Variants in MYH13 observed in about 807,000 individuals in gnomAD.
The protein encoded by MYH13 is myosin heavy chain 13.
Under a neutral mutation model 232.1 loss-of-function variants are expected in MYH13, and 177 were observed. That is an observed-to-expected ratio of 0.76 (90% CI 0.67 to 0.86). The LOEUF is 0.86. Among genes scored for constraint, MYH13 ranks in the 40% least tolerant of loss-of-function variants. The pLI, the probability that MYH13 is intolerant of heterozygous loss-of-function variation, is 0.00. For synonymous variants in MYH13, 884 were observed against 923.5 expected, an observed-to-expected ratio of 0.96 and a Z score of 0.78; for missense variants, 2,246 against 2,405.9, an observed-to-expected ratio of 0.93 and a Z score of 1.39.
chr17:10,336,286 T>C (rs2071574551), intron 18 of MYH13, among the ~76,000 whole-genome samples: 1 of 152,164 alleles, frequency 6.6e-6, no homozygotes, highest in Non-Finnish European at 1.5e-5. Context: ...TTTGTACCAA[T>C]GCGTAAAACT....
chr17:10,346,569 G>GT, intron 13 of MYH13, 111 bp downstream of exon 13: 1 of 681,680 alleles, frequency 1.5e-6, no homozygotes, highest in South Asian at 2.1e-5. Context: ...TCCTCTTAAT[G>GT]TGAAAGCTGA....
rs752754610 is a variant in MYH13, at chr17:10,306,465, C to T, written c.5460G>A (p.Glu1820=). ...GTCCTCTCAAAAACTCTACCCGGTT[C>T]TCCAGTTTCTGGATCTGCTTCTTCC... ...KGGKKQIQKL[E]NRVRELENEL... The change falls in exon 37 of 41, where the codon GAG becomes GAA. Residue 1820 remains glutamate, a synonymous_variant. Coordinates refer to ENST00000252172, the MANE Select transcript of MYH13 (RefSeq NM_003802.3). This position sits in a 1 kb window ranked among gnomAD's most constrained non-coding sequence, Gnocchi z 4.3. 7 of 1,614,154 alleles carry T rather than the reference C, an allele frequency of 4.3e-6. No individual in the cohort carries two copies. The highest frequency in any genetic ancestry group is 5.1e-6 in the Non-Finnish European group (6 of 1,180,020).
Position 10,306,599 on chromosome 17 carries a change from C to T in MYH13, c.5326G>A (p.Glu1776Lys), listed in dbSNP as rs574010739. 201 of 1,614,100 alleles carry T rather than the reference C, an allele frequency of 1.2e-4. 3 individuals carry two copies. The South Asian group carries it at 1.9e-3, about 16-fold the overall frequency. ...TCCAGGTGGGCGCTGGTGTCCTGTT[C>T]CTTCTTTAGCTCCTCAGCCATCATG... ...AAMMAEELKK[E>K]QDTSAHLERM... is the part of the protein sequence containing the mutation. Residue 1776 changes from glutamate (E) to lysine (K), a missense_variant, in exon 37 of 41, where the codon GAA becomes AAA. Coordinates refer to ENST00000252172, the MANE Select transcript of MYH13 (RefSeq NM_003802.3). This position sits in a 1 kb window ranked among gnomAD's most constrained non-coding sequence, Gnocchi z 4.3.
chr17:10,338,067 G>T (rs534981051), intron 18 of MYH13, among the ~76,000 whole-genome samples: 1 of 152,020 alleles, frequency 6.6e-6, no homozygotes, highest in African/African-American at 2.4e-5. Context: ...AGAAAAAAAA[G>T]TAAGCCAGTG....
chr17:10,338,462 A>C (rs9889881), intron 18 of MYH13, among the ~76,000 whole-genome samples: 110,730 of 151,332 alleles, frequency 0.73, 41,792 homozygotes, highest in East Asian at 0.9. Flanking sequence ...TTTAAAGTTT[A>C]TAGTTCTGAG....
At chr17:10,339,779 G>A (rs2071606916) in intron 18 of MYH13, among the ~76,000 whole-genome samples, 1 of 152,158 alleles carries the variant, frequency 6.6e-6, no homozygotes. Flanking sequence ...GTCACACTTA[G>A]ACATTTTTCA....
intron 16 of MYH13, chr17:10,341,256 T>A (rs2071617539): frequency 6.6e-6 from 1 of 151,962 alleles, no homozygotes; most frequent in African/African-American, 2.4e-5. Flanking sequence ...TTCACCATAT[T>A]GGCCAGGCTG....
intron 27 of MYH13, among the ~76,000 whole-genome samples, chr17:10,316,741 G>T (rs1402740559): frequency 1.3e-5 from 2 of 152,216 alleles, no homozygotes; most frequent in African/African-American, 2.4e-5. Flanking sequence ...CGTATGAAGA[G>T]ATTCACCTCT....
At chr17:10,371,087 G>T (rs1337920585) in intron 2 of MYH13, 122 bp downstream of exon 2, 1 of 152,172 alleles carries the variant, frequency 6.6e-6, no homozygotes, top group Non-Finnish European at 1.5e-5. Context: ...GAATAGTTAA[G>T]TTATTGGTTT....
intron 8 of MYH13, among the ~76,000 whole-genome samples, chr17:10,355,828 C>CTTTTTTTTTTTTTTTTTTTTTTTTTT (rs61338527): frequency 1.2e-4 from 8 of 66,814 alleles, no homozygotes; most frequent in Non-Finnish European, 1.6e-4. Context: ...TTCTGTCTGA[C>CTTTTTTTTTTTTTTTTTTTTTTTTTT]TTTTTTTTTT....
rs769019864 is a variant in MYH13 at position 10,301,595 on chromosome 17, C to A, written c.5776G>T (p.Ala1926Ser). The A allele has an allele frequency of 6.2e-7, 1 of 1,614,220 alleles. No individual in the cohort carries two copies. The highest frequency in any genetic ancestry group is 1.7e-5 in the Admixed American group (1 of 60,026). ...IAESQVNKLR[A>S]KSRDVGSQKM... ...TGGCTGCCCACGTCTCGGCTCTTGG[C>A]CCTCAGCTTGTTGACCTGGGACTCA... is the stretch of plus-strand genomic sequence containing the variant. The change falls in exon 40 of 41, where the codon GCC becomes TCC. Residue 1926 changes from alanine (A) to serine (S), a missense_variant. Coordinates refer to ENST00000252172, the MANE Select transcript of MYH13 (RefSeq NM_003802.3).
chr17:10,310,656 G>C (rs1179107403), intron 33 of MYH13, among the ~76,000 whole-genome samples: 1 of 152,134 alleles, frequency 6.6e-6, no homozygotes, highest in African/African-American at 2.4e-5. Flanking sequence ...CTGCTCTCCT[G>C]TTATCCTGTG....
chr17:10,330,385 A>G lies in MYH13; in HGVS notation c.2435+2T>C, dbSNP rs1298086460. The G allele has an allele frequency of 1.2e-6, 2 of 1,612,836 alleles. No homozygotes were observed. The highest frequency in any genetic ancestry group is 2.2e-5 in the South Asian group (2 of 90,876). Reference sequence around the variant, plus strand: ...TAAGGTGGAGGTGAGGGTCTGTGTCACCTCCTCTCCATCATCTTCTTGAAC... The same window carrying G: ...TAAGGTGGAGGTGAGGGTCTGTGTCGCCTCCTCTCCATCATCTTCTTGAAC... On this transcript the variant is annotated splice_donor_variant, in intron 21 of 40. Transcript: ENST00000252172. LOFTEE classifies it high-confidence loss of function.
rs201735784 is a variant in MYH13, at chr17:10,313,318, G to A, written c.4021C>T (p.Arg1341Cys). 529 of 1,614,160 alleles carry A rather than the reference G, an allele frequency of 3.3e-4. 2 individuals carry two copies. Among genetic ancestry groups the A allele is most frequent in the Middle Eastern group, 9.9e-4 (6 of 6,084 alleles). ...TCCCGCAGCAGGTCACAGTCGTGGC[G>A]GGAGGACTGCAGGGCGTGCGCCATG... ...NAMAHALQSSRHDCDLLREQY... is the reference protein window; with the variant it reads ...NAMAHALQSSCHDCDLLREQY... The change falls in exon 30 of 41, where the codon CGC becomes TGC. Residue 1341 changes from arginine (R) to cysteine (C), a missense_variant. By Grantham distance (180) the Arg-to-Cys change is radical (BLOSUM62 -3). Coordinates refer to ENST00000252172, the MANE Select transcript of MYH13 (RefSeq NM_003802.3).
In MYH13 at chr17:10,330,427, A is replaced by T; in HGVS notation, c.2395T>A (p.Tyr799Asn). The part of the protein sequence containing the change: ...MTSTQAVCRG[Y>N]LMRVEFKKMM... ...TTCTTGAACTCCACCCGCATCAGGT[A>T]CCCCCTGCACACCGCCTGCGTGCTT... The change falls in exon 21 of 41, where the codon TAC becomes AAC. Residue 799 changes from tyrosine to asparagine, a missense_variant. Tyr to Asn is a moderately radical substitution (Grantham distance 143). Transcript: ENST00000252172. 6.2e-7 allele frequency: 1 copy of T among 1,613,338 alleles called. No individual in the cohort carries two copies. Among genetic ancestry groups the T allele is most frequent in the Non-Finnish European group, 8.5e-7 (1 of 1,179,770 alleles).
Position 10,303,494 on chromosome 17 carries a change from C to CGGA in MYH13, c.5470_5471insTCC (p.Val1823_Arg1824insLeu), listed in dbSNP as rs759176017. ...CACATCAAGCTCATTTTCCAGCTCC[C>CGGA]GCACCTGAGTAGGATGAAAGGAACA... On this transcript the variant is annotated inframe_insertion, in exon 38 of 41. Transcript: ENST00000252172. The CGGA allele has an allele frequency of 9.3e-6, 15 of 1,613,668 alleles. No individual in the cohort carries two copies. In the East Asian group the frequency reaches 2.7e-4, roughly 29 times the overall value.
rs2071738062 is a variant in MYH13 at position 10,354,991 on chromosome 17, G to A, written c.805C>T (p.Leu269=). The A allele has an allele frequency of 6.2e-7, 1 of 1,609,314 alleles. No individual in the cohort carries two copies. Among genetic ancestry groups the A allele is most frequent in the African/African-American group, 1.3e-5 (1 of 74,784 alleles). The change falls in exon 10 of 41, where the codon CTG becomes TTG. Residue 269 remains leucine (L), a splice_region_variant and synonymous_variant. Coordinates refer to ENST00000252172, the MANE Select transcript of MYH13 (RefSeq NM_003802.3). ...AACGTCACTCTGGATTTTTCTAACAGATCTAAGGTAACAAAAATAACGTGA... is the reference window on the plus strand; with the variant it reads ...AACGTCACTCTGGATTTTTCTAACAAATCTAAGGTAACAAAAATAACGTGA... ...KLASADIETY[L]LEKSRVTFQL...
chr17:10,344,401 A>G (rs2071644484), intron 15 of MYH13, among the ~76,000 whole-genome samples: 1 of 152,240 alleles, frequency 6.6e-6, no homozygotes. Context: ...TTTCATATAT[A>G]GCCATAAAGT....
rs1203016186 is a variant in MYH13 at position 10,345,270 on chromosome 17, C to A, written c.1516G>T (p.Glu506Ter). Residue 506 changes from glutamate to a stop codon, truncating the protein, a stop_gained, in exon 15 of 41, where the codon GAA becomes TAA. Transcript: ENST00000252172. LOFTEE classifies it high-confidence loss of function. ...FVLEQEEYKK[E>*]GIEWEFIDFG... is the part of the protein sequence containing the mutation. ...TCAATGAACTCCCACTCGATGCCTT[C>A]CTTCTTGTACTCTTCCTGCTCCAGC... The A allele has an allele frequency of 7.4e-6, 12 of 1,614,172 alleles. No homozygotes were observed. The highest frequency in any genetic ancestry group is 1.6e-4 in the Middle Eastern group (1 of 6,062).
Sources: allele counts gnomAD v4.1 joint callset (sites outside exome capture counted in the v4.1 genomes callset), GRCh38; gene constraint gnomAD v4.1.1; non-coding constraint Gnocchi (gnomAD v3.1); transcripts MANE v1.5; gene names NCBI Gene and HGNC (gene_info 2026-07-23, HGNC 2026-07-21).